IL13RA1: variants seen among roughly 807,000 people sequenced by gnomAD.
The protein encoded by IL13RA1 is interleukin-13 receptor subunit alpha-1.
Under a neutral mutation model 33.8 loss-of-function variants are expected in IL13RA1, and 14 were observed. The ratio of observed to expected loss-of-function variants is 0.41; its 90% CI spans 0.27 to 0.65. IL13RA1 has a LOEUF of 0.65. IL13RA1 is among the 30% of genes least tolerant of loss of function. IL13RA1 has a pLI of 0.28. For synonymous variants in IL13RA1, 116 were observed against 115.7 expected, an observed-to-expected ratio of 1.00 and a Z score of -0.02; for missense variants, 313 against 327.0, an observed-to-expected ratio of 0.96 and a Z score of 0.33.
At chrX:118,763,623 A>G (rs1341199687) in intron 6 of IL13RA1, among the ~76,000 whole-genome samples, 1 of 112,255 alleles carries the variant, frequency 8.9e-6, no homozygotes, top group Non-Finnish European at 1.9e-5. Flanking sequence ...CCCATGAAAT[A>G]GAAACTATTT....
At chrX:118,764,359 CA>C (rs1323400479) in intron 6 of IL13RA1, among the ~76,000 whole-genome samples, 1 of 109,900 alleles carries the variant, frequency 9.1e-6, no homozygotes, top group East Asian at 2.9e-4. Flanking sequence ...GGAGATGGTC[CA>C]GGGGAGGAGG....
In IL13RA1 at chrX:118,767,165, T is replaced by C. The variant is rs1346278765; in HGVS notation, c.1009+189T>C. On this transcript the variant is annotated intron_variant, in intron 8 of 10. Transcript: ENST00000371666. ...AGGGTTAATTGACAGTATACAGTTATTTAGAAAACCATAATCCAAATGGTT... is the reference window on the plus strand; with the variant it reads ...AGGGTTAATTGACAGTATACAGTTACTTAGAAAACCATAATCCAAATGGTT... Among the ~76,000 whole-genome samples, 9 of 112,246 alleles carry C rather than the reference T, an allele frequency of 8.0e-5. No individual in the cohort carries two copies. The East Asian group carries it at 2.5e-3, about 31-fold the overall frequency.
At chrX:118,776,599 T>C (rs1226718871) in intron 10 of IL13RA1, 88 bp downstream of exon 10, 1 of 412,189 alleles carries the variant, frequency 2.4e-6, no homozygotes, top group Non-Finnish European at 4.1e-6. Flanking sequence ...TGTGGTAAGG[T>C]ATCCATAACA....
intron 8 of IL13RA1, among the ~76,000 whole-genome samples, chrX:118,771,316 T>A (rs1194296327): frequency 3.8e-5 from 1 of 26,295 alleles, no homozygotes; most frequent in Non-Finnish European, 6.9e-5. Context: ...GTGGGGAGGG[T>A]GGGTTGGGAT....
chrX:118,796,276 G>GA (rs2018031090), downstream of IL13RA1, among the ~76,000 whole-genome samples: 1 of 111,889 alleles, frequency 8.9e-6, no homozygotes, highest in Non-Finnish European at 1.9e-5. Flanking sequence ...TTTTACAGAT[G>GA]AAGAAACTGA....
rs1569454516 is a variant in IL13RA1, at chrX:118,741,097, G to A, written c.169G>A (p.Gly57Arg). The A allele has an allele frequency of 8.7e-7, 1 of 1,148,545 alleles. No individual in the cohort carries two copies. Among genetic ancestry groups the A allele is most frequent in the Non-Finnish European group, 1.2e-6 (1 of 837,779 alleles). 94.7% of individuals were successfully genotyped at this position (1,148,545 alleles called of 1,213,427 possible). Residue 57 changes from glycine (G) to arginine (R), a missense_variant, in exon 2 of 11, where the codon GGA becomes AGA. Coordinates refer to ENST00000371666, the MANE Select transcript of IL13RA1 (RefSeq NM_001560.3). ...AATATGGACATGGAATCCACCCGAG[G>A]GAGCCAGCTCAAATTGTAGTCTATG... The part of the protein sequence containing the change: ...TVIWTWNPPE[G>R]ASSNCSLWYF...
At chrX:118,733,874 A>G (rs151181693) in intron 1 of IL13RA1, among the ~76,000 whole-genome samples, 4 of 111,633 alleles carry the variant, frequency 3.6e-5, no homozygotes, top group Non-Finnish European at 7.5e-5. Flanking sequence ...TGTTGAAAAG[A>G]TTGTCTGCAT....
chrX:118,755,384 ATT>A (rs61662256), intron 4 of IL13RA1, among the ~76,000 whole-genome samples: 3 of 101,429 alleles, frequency 3.0e-5, no homozygotes, highest in East Asian at 3.1e-4. Flanking sequence ...AATTTTAGGG[ATT>A]TTTTTTTTTT....
chrX:118,728,139 C>A (rs2147359499), intron 1 of IL13RA1, among the ~76,000 whole-genome samples: 1 of 112,604 alleles, frequency 8.9e-6, no homozygotes, highest in East Asian at 2.8e-4. Context: ...GGAAATGAGG[C>A]GCCAGAGCCG....
intron 4 of IL13RA1, among the ~76,000 whole-genome samples, chrX:118,755,011 C>T (rs1426686405): frequency 1.8e-4 from 17 of 96,517 alleles, no homozygotes; most frequent in Non-Finnish European, 3.1e-4. Flanking sequence ...TGCAGTGGTG[C>T]GATCTCGGCT....
At chrX:118,765,168 G>A (rs1390953833) in intron 6 of IL13RA1, among the ~76,000 whole-genome samples, 1 of 111,210 alleles carries the variant, frequency 9.0e-6, no homozygotes, top group Non-Finnish European at 1.9e-5. Flanking sequence ...CGCAATCTCA[G>A]CTCACTGCAA....
chrX:118,785,660 T>C (rs2017908646), intron 10 of IL13RA1, among the ~76,000 whole-genome samples: 1 of 110,801 alleles, frequency 9.0e-6, no homozygotes, highest in African/African-American at 3.3e-5. Flanking sequence ...AAACTCCGCC[T>C]CCCAGGTTCA....
chrX:118,777,990 C>T (rs2017804594), intron 10 of IL13RA1, among the ~76,000 whole-genome samples: 1 of 110,912 alleles, frequency 9.0e-6, no homozygotes, highest in Non-Finnish European at 1.9e-5. Context: ...TCTTTTTGAC[C>T]TTGGATAATT....
In IL13RA1 at chrX:118,794,195, A is replaced by G. The variant is rs909722322; in HGVS notation, c.*2341A>G. On this transcript the variant is annotated 3_prime_UTR_variant, in exon 11 of 11. Coordinates refer to ENST00000371666, the MANE Select transcript of IL13RA1 (RefSeq NM_001560.3). ...CTGAGGGAAAAGGGAGGGAAAAGGA[A>G]GTTATGGGAATACCTGTGGTGGTTG... 9 of 111,552 alleles carry G rather than the reference A, an allele frequency of 8.1e-5. No individual in the cohort carries two copies. The highest frequency in any genetic ancestry group is 2.9e-4 in the African/African-American group (9 of 30,598). 9.2% of individuals were successfully genotyped at this position (111,552 alleles called of 1,213,427 possible).
At chrX:118,754,780 A>T (rs2147378054) in intron 4 of IL13RA1, among the ~76,000 whole-genome samples, 1 of 110,135 alleles carries the variant, frequency 9.1e-6, no homozygotes, top group African/African-American at 3.3e-5. Context: ...TCTCCTCTAG[A>T]TAGATCCTTT....
intron 4 of IL13RA1, among the ~76,000 whole-genome samples, chrX:118,756,989 AAG>A (rs775069709): frequency 1.8e-5 from 2 of 111,218 alleles, no homozygotes; most frequent in South Asian, 3.8e-4. Flanking sequence ...GGGAGTCAGA[AAG>A]AGGGAAGAAT....
chrX:118,734,573 C>T (rs1430054603), intron 1 of IL13RA1, among the ~76,000 whole-genome samples: 1 of 112,105 alleles, frequency 8.9e-6, no homozygotes, highest in Non-Finnish European at 1.9e-5. Context: ...TTGAGATGAT[C>T]AGGTAGTTTT....
chrX:118,780,262 T>C, intron 10 of IL13RA1, among the ~76,000 whole-genome samples: 1 of 112,664 alleles, frequency 8.9e-6, no homozygotes, highest in South Asian at 3.7e-4. Context: ...CATTGAATTA[T>C]TGAATGAACA....
At chrX:118,771,745 C>T (rs1416545708) in intron 8 of IL13RA1, among the ~76,000 whole-genome samples, 1 of 111,915 alleles carries the variant, frequency 8.9e-6, no homozygotes, top group Non-Finnish European at 1.9e-5. Flanking sequence ...GAGGCTGAGG[C>T]GGGTGGATCA....
Sources: gnomAD v4.1 joint callset for allele counts (sites outside exome capture counted in the v4.1 genomes callset) on GRCh38, gnomAD v4.1.1 for gene constraint, MANE v1.5 for transcripts, NCBI Gene and HGNC (gene_info 2026-07-23, HGNC 2026-07-21) for gene names.